DOCK4: variants seen among roughly 807,000 people sequenced by gnomAD.
DOCK4 encodes dedicator of cytokinesis 4.
DOCK4 carries 97 observed loss-of-function variants against 268.1 expected under a neutral mutation model. The observed-to-expected ratio is 0.36, with a 90% CI of 0.31 to 0.43. The LOEUF is 0.43. Among genes scored for constraint, DOCK4 ranks in the 20% least tolerant of loss-of-function variants. The probability of loss-of-function intolerance (pLI) is 1.00; values close to 1 mark genes in which losing one functional copy is unlikely to be tolerated. For missense variants in DOCK4, 2,145 were observed against 2,455.7 expected, an observed-to-expected ratio of 0.87 and a Z score of 2.67; for synonymous variants, 954 against 887.2, an observed-to-expected ratio of 1.08 and a Z score of -1.34.
At chr7:111,736,311 C>A (rs759818396) in intron 50 of DOCK4, among the ~76,000 whole-genome samples, 1 of 152,134 alleles carries the variant, frequency 6.6e-6, no homozygotes, top group East Asian at 1.9e-4. Flanking sequence ...GCCCCGACCC[C>A]GTAGCTGAGG....
chr7:112,160,664 C>T (rs1817029636), intron 1 of DOCK4, among the ~76,000 whole-genome samples: 1 of 152,218 alleles, frequency 6.6e-6, no homozygotes, highest in Admixed American at 6.5e-5. Context: ...CCCACTGCCC[C>T]AGCCAGAGGT....
chr7:112,141,466 C>A (rs549658906), intron 1 of DOCK4, among the ~76,000 whole-genome samples: 1 of 152,144 alleles, frequency 6.6e-6, no homozygotes, highest in South Asian at 2.1e-4. Flanking sequence ...TTCTTGATAA[C>A]GTGAGTGGGC....
intron 1 of DOCK4, among the ~76,000 whole-genome samples, chr7:112,113,869 C>G (rs1811893284): frequency 6.7e-6 from 1 of 148,524 alleles, no homozygotes; most frequent in Non-Finnish European, 1.5e-5. Context: ...ACTGGGAATA[C>G]AGGCATGAGC....
chr7:111,978,520 C>T (rs1456332363), intron 7 of DOCK4, among the ~76,000 whole-genome samples: 1 of 152,172 alleles, frequency 6.6e-6, no homozygotes, highest in East Asian at 1.9e-4. Flanking sequence ...GTGTGGGCTA[C>T]TGAGCCCAGC....
At chr7:112,136,585 A>C (rs542796861) in intron 1 of DOCK4, among the ~76,000 whole-genome samples, 2 of 152,234 alleles carry the variant, frequency 1.3e-5, no homozygotes, top group African/African-American at 4.8e-5. Flanking sequence ...GGCGGAAGAC[A>C]AAAGACTGGA....
intron 2 of DOCK4, among the ~76,000 whole-genome samples, chr7:112,001,197 A>G (rs748750343): frequency 6.6e-6 from 1 of 152,212 alleles, no homozygotes; most frequent in Non-Finnish European, 1.5e-5. Context: ...CTATTATAGT[A>G]GGCCCTTCTT....
At chr7:112,126,049 C>T (rs978321299) in intron 1 of DOCK4, among the ~76,000 whole-genome samples, 3 of 152,182 alleles carry the variant, frequency 2.0e-5, no homozygotes, top group African/African-American at 7.2e-5. Flanking sequence ...GATCCATCCT[C>T]CTTGGTCTCC....
At chr7:111,770,885 T>C (rs1334707385) in intron 36 of DOCK4, among the ~76,000 whole-genome samples, 2 of 152,210 alleles carry the variant, frequency 1.3e-5, no homozygotes, top group East Asian at 3.8e-4. Flanking sequence ...TGTGGCCATC[T>C]CCATGTAAAA....
chr7:112,069,779 C>T (rs535609486), intron 1 of DOCK4, among the ~76,000 whole-genome samples: 63 of 152,132 alleles, frequency 4.1e-4, no homozygotes, highest in South Asian at 1.9e-3. Context: ...AACAGATCCA[C>T]TGCATTAAAA....
intron 1 of DOCK4, among the ~76,000 whole-genome samples, chr7:112,005,238 T>C (rs989435571): frequency 6.6e-5 from 10 of 152,150 alleles, no homozygotes; most frequent in South Asian, 2.1e-4. Flanking sequence ...GTTGGGAATG[T>C]ATATTTTAAA....
At chr7:112,076,206 T>C in intron 1 of DOCK4, among the ~76,000 whole-genome samples, 1 of 152,160 alleles carries the variant, frequency 6.6e-6, no homozygotes, top group East Asian at 1.9e-4. Context: ...GTTTTTTTAC[T>C]TTTATATGCC....
chr7:111,802,813 T>C (rs1199190581), intron 30 of DOCK4, among the ~76,000 whole-genome samples: 3 of 152,224 alleles, frequency 2.0e-5, no homozygotes, highest in East Asian at 1.9e-4. Flanking sequence ...ATCCATCATC[T>C]AGCTTCAGTG....
intron 1 of DOCK4, among the ~76,000 whole-genome samples, chr7:112,110,795 G>T (rs1811580893): frequency 6.6e-6 from 1 of 152,186 alleles, no homozygotes; most frequent in South Asian, 2.1e-4. Context: ...TCCACTGCTT[G>T]GGGAAGTCAG....
At chr7:112,017,410 T>C (rs549788582) in intron 1 of DOCK4, among the ~76,000 whole-genome samples, 1 of 152,300 alleles carries the variant, frequency 6.6e-6, no homozygotes, top group Non-Finnish European at 1.5e-5. Context: ...ACTGAAATAA[T>C]AATTACACAT....
chr7:111,766,890 T>C (rs911524562), intron 38 of DOCK4, 142 bp downstream of exon 38: 5 of 602,974 alleles, frequency 8.3e-6, no homozygotes, highest in Admixed American at 3.2e-5. Flanking sequence ...TATTTCTCTA[T>C]ATAAATAGCT....
chr7:111,758,298 G>A (rs1797170139), intron 41 of DOCK4, among the ~76,000 whole-genome samples: 1 of 152,152 alleles, frequency 6.6e-6, no homozygotes, highest in South Asian at 2.1e-4. Flanking sequence ...ATGAATAAGA[G>A]GACTGACTTC....
At chr7:112,115,304 T>C (rs994593521) in intron 1 of DOCK4, among the ~76,000 whole-genome samples, 3 of 152,212 alleles carry the variant, frequency 2.0e-5, no homozygotes, top group African/African-American at 4.8e-5. Flanking sequence ...GGAATAGATA[T>C]TTTTCAGTGC....
intron 27 of DOCK4, 35 bp from the exon 28 acceptor site, chr7:111,811,984 A>G (rs552701291): frequency 2.5e-6 from 3 of 1,200,092 alleles, no homozygotes; most frequent in East Asian, 2.6e-5. Flanking sequence ...TGAAAACTTC[A>G]TATTAGTGAA....
At chr7:111,781,127 T>C (rs1054881149) in intron 35 of DOCK4, among the ~76,000 whole-genome samples, 3 of 152,226 alleles carry the variant, frequency 2.0e-5, no homozygotes, top group Admixed American at 1.3e-4. Flanking sequence ...ATAAGGTCTA[T>C]ATTTATTTGC....
Sources: allele counts gnomAD v4.1 joint callset (sites outside exome capture counted in the v4.1 genomes callset), GRCh38; gene constraint gnomAD v4.1.1; transcripts MANE v1.5; gene names NCBI Gene and HGNC (gene_info 2026-07-23, HGNC 2026-07-21).